The following NKAIN2 variants were observed in gnomAD, a reference collection of about 807,000 sequenced individuals.
NKAIN2 encodes the protein sodium/potassium transporting ATPase interacting 2, also known as sodium/potassium-transporting ATPase subunit beta-1-interacting protein 2.
In NKAIN2, 14 loss-of-function variants were observed where a neutral mutation model predicts 32.6. The observed-to-expected ratio is 0.43, with a 90% CI of 0.28 to 0.67. NKAIN2 has a LOEUF of 0.67. Among genes scored for constraint, NKAIN2 ranks in the 30% least tolerant of loss-of-function variants. NKAIN2 has a pLI of 0.17. For missense variants in NKAIN2, 198 were observed against 258.3 expected, an observed-to-expected ratio of 0.77 and a Z score of 1.60; for synonymous variants, 80 against 87.2, an observed-to-expected ratio of 0.92 and a Z score of 0.46.
intron 3 of NKAIN2, among the ~76,000 whole-genome samples, chr6:124,489,660 T>C (rs9491185): frequency 0.014 from 2,149 of 151,950 alleles, 44 homozygotes; most frequent in African/African-American, 0.044. Context: ...ACAGCATGGT[T>C]GTATGGGTAC....
rs1038671556 is a variant in NKAIN2 at position 123,804,307 on chromosome 6, C to T, written c.54+53C>T. ...TGTAATGTGTCTTTGAGATAGTGGG[C>T]AGGGGAGTGCAGCAAAGGGTCTGCC... On this transcript the variant is annotated intron_variant, in intron 1 of 6. Coordinates refer to ENST00000368417, the MANE Select transcript of NKAIN2 (RefSeq NM_001040214.3). 3 of 1,430,722 alleles carry T rather than the reference C, an allele frequency of 2.1e-6. No homozygotes were observed. In the African/African-American group the frequency reaches 4.2e-5, roughly 20 times the overall value. The allele number at this position is 1,430,722 out of a possible 1,614,324, so 88.6% of individuals were successfully genotyped here.
intron 3 of NKAIN2, among the ~76,000 whole-genome samples, chr6:124,379,466 T>C (rs1800164474): frequency 6.6e-6 from 1 of 152,096 alleles, no homozygotes; most frequent in African/African-American, 2.4e-5. Context: ...ATGTAATGAA[T>C]TCCCTGCCTT....
intron 1 of NKAIN2, among the ~76,000 whole-genome samples, chr6:124,083,818 G>A (rs1378653041): frequency 1.3e-5 from 2 of 151,960 alleles, no homozygotes; most frequent in African/African-American, 4.8e-5. Flanking sequence ...TTTCATTTGT[G>A]TACTGGCCTT....
At chr6:124,536,650 GT>G (rs1240366570) in intron 3 of NKAIN2, among the ~76,000 whole-genome samples, 6 of 152,140 alleles carry the variant, frequency 3.9e-5, no homozygotes, top group Non-Finnish European at 8.8e-5. Context: ...ATGCAGGGGT[GT>G]TTCATGCACT....
In NKAIN2 at chr6:124,404,811, A is replaced by C. The variant is rs540263765; in HGVS notation, c.273+49464A>C. 4.6e-5 allele frequency among the ~76,000 whole-genome samples: 7 copies of C among 152,302 alleles called. No homozygotes were observed. The South Asian group carries it at 1.2e-3, about 27-fold the overall frequency. ...TGTTTACTATATCATTAAAATATAAATCTTGTATCTTAAATTTACCAAGAG... is the reference window on the plus strand; with the variant it reads ...TGTTTACTATATCATTAAAATATAACTCTTGTATCTTAAATTTACCAAGAG... On this transcript the variant is annotated intron_variant, in intron 3 of 6. Transcript: ENST00000368417.
intron 1 of NKAIN2, among the ~76,000 whole-genome samples, chr6:124,065,738 T>G (rs1477254327): frequency 2.0e-5 from 3 of 152,176 alleles, no homozygotes; most frequent in Admixed American, 1.3e-4. Flanking sequence ...TAAGACAAAC[T>G]GTCTCTTCCA....
chr6:124,060,573 C>G (rs1043382430), intron 1 of NKAIN2, among the ~76,000 whole-genome samples: 1 of 152,126 alleles, frequency 6.6e-6, no homozygotes, highest in Non-Finnish European at 1.5e-5. Flanking sequence ...AGAAACAGAA[C>G]TGGAACACCG....
chr6:123,822,101 GGAAGTATT>G (rs376079502), intron 1 of NKAIN2, among the ~76,000 whole-genome samples: 41,917 of 151,928 alleles, frequency 0.28, 8,269 homozygotes, highest in East Asian at 0.56. Flanking sequence ...ATTAATTTTA[GGAAGTATT>G]AATTTGAACT....
At chr6:124,779,241 CAAAGAAAGAG>C (rs1259106526) in intron 4 of NKAIN2, among the ~76,000 whole-genome samples, 1,395 of 90,956 alleles carry the variant, frequency 0.015, 98 homozygotes, top group Admixed American at 0.082. Flanking sequence ...CAGACTCCAA[CAAAGAAAGAG>C]AGAGAGAGAG....
At chr6:124,491,245 A>T (rs1562218169) in intron 3 of NKAIN2, among the ~76,000 whole-genome samples, 1 of 151,836 alleles carries the variant, frequency 6.6e-6, no homozygotes, top group Non-Finnish European at 1.5e-5. Context: ...ATGCTAGTGA[A>T]TGGTAAGGAA....
chr6:124,377,641 AGGGGTGAGGCTG>A (rs1800050186), intron 3 of NKAIN2, among the ~76,000 whole-genome samples: 1 of 152,168 alleles, frequency 6.6e-6, no homozygotes, highest in Non-Finnish European at 1.5e-5. Context: ...GAGAAATGTG[AGGGGTGAGGCTG>A]GAGGATTAGG....
At chr6:123,894,938 C>T (rs531723965) in intron 1 of NKAIN2, among the ~76,000 whole-genome samples, 6 of 152,034 alleles carry the variant, frequency 3.9e-5, no homozygotes, top group South Asian at 2.1e-4. Flanking sequence ...CAAGTTACCT[C>T]GGGAAAAAGA....
intron 1 of NKAIN2, among the ~76,000 whole-genome samples, chr6:124,132,636 C>T (rs1582706123): frequency 6.6e-6 from 1 of 152,338 alleles, no homozygotes; most frequent in African/African-American, 2.4e-5. Context: ...TCACTGCTGG[C>T]ATAACCAACA....
intron 1 of NKAIN2, among the ~76,000 whole-genome samples, chr6:124,142,206 A>G (rs1283278205): frequency 6.6e-6 from 1 of 152,086 alleles, no homozygotes; most frequent in African/African-American, 2.4e-5. Flanking sequence ...TTGTTCCTTA[A>G]ACATCAATCA....
intron 3 of NKAIN2, among the ~76,000 whole-genome samples, chr6:124,479,703 T>A (rs553949970): frequency 6.6e-6 from 1 of 152,354 alleles, no homozygotes; most frequent in Non-Finnish European, 1.5e-5. Flanking sequence ...GCCTTTTAAT[T>A]TGTATTTGTT....
intron 3 of NKAIN2, among the ~76,000 whole-genome samples, chr6:124,551,827 T>A (rs1780298270): frequency 6.6e-6 from 1 of 152,186 alleles, no homozygotes; most frequent in Admixed American, 6.5e-5. Context: ...TGCAGGGATG[T>A]GGTTTAATTT....
At chr6:124,084,305 T>G (rs1454018473) in intron 1 of NKAIN2, among the ~76,000 whole-genome samples, 2 of 152,016 alleles carry the variant, frequency 1.3e-5, no homozygotes, top group Non-Finnish European at 2.9e-5. Context: ...TCCCCTAAGA[T>G]TATAATACTG....
chr6:124,656,885 C>G (rs1307432983), intron 3 of NKAIN2, among the ~76,000 whole-genome samples: 1 of 152,146 alleles, frequency 6.6e-6, no homozygotes, highest in Admixed American at 6.6e-5. Context: ...GCTCTAGCCA[C>G]AGACTCTATT....
At chr6:124,308,640 C>A (rs1796606252) in intron 2 of NKAIN2, among the ~76,000 whole-genome samples, 2 of 152,140 alleles carry the variant, frequency 1.3e-5, no homozygotes, top group South Asian at 4.1e-4. Flanking sequence ...AATCTCGGCA[C>A]TTTCTTGCCT....
Sources: gnomAD v4.1 joint callset for allele counts (sites outside exome capture counted in the v4.1 genomes callset) on GRCh38, gnomAD v4.1.1 for gene constraint, MANE v1.5 for transcripts, NCBI Gene and HGNC (gene_info 2026-07-23, HGNC 2026-07-21) for gene names.